The following SLC2A14 variants were observed in gnomAD, a reference collection of about 807,000 sequenced individuals.
The protein encoded by SLC2A14 is solute carrier family 2 member 14.
In SLC2A14, 13 loss-of-function variants were observed where a neutral mutation model predicts 43.0. That is an observed-to-expected ratio of 0.30 (90% CI 0.20 to 0.48). The LOEUF (loss-of-function observed/expected upper bound fraction) is 0.48. Ranked by LOEUF, SLC2A14 falls within the 20% of genes least tolerant of loss-of-function variation. SLC2A14 has a pLI of 0.99. For synonymous variants in SLC2A14, 190 were observed against 233.8 expected (o/e 0.81, Z 1.71); for missense variants, 428 against 620.4 (o/e 0.69, Z 3.29).
chr12:7,880,571 G>A (rs1945549797), intron 1 of SLC2A14, among the ~76,000 whole-genome samples: 2 of 151,424 alleles, frequency 1.3e-5, no homozygotes, highest in South Asian at 2.1e-4. Context: ...GCCCATGCCT[G>A]TAATCTCAGC....
chr12:7,837,580 G>A (rs760163187), intron 2 of SLC2A14, among the ~76,000 whole-genome samples: 1 of 134,810 alleles, frequency 7.4e-6, no homozygotes, highest in East Asian at 2.4e-4. Flanking sequence ...GGAGGTTGCA[G>A]TCAGCCGAGC....
At chr12:7,887,586 T>C (rs1592338400) in intron 1 of SLC2A14, among the ~76,000 whole-genome samples, 1 of 150,116 alleles carries the variant, frequency 6.7e-6, no homozygotes, top group Non-Finnish European at 1.5e-5. Context: ...GATAGATAGA[T>C]AGATAGATAG....
chr12:7,883,070 A>G (rs1187291422), intron 1 of SLC2A14, among the ~76,000 whole-genome samples: 3 of 151,606 alleles, frequency 2.0e-5, no homozygotes, highest in Admixed American at 6.6e-5. Flanking sequence ...TTAGCTGGAC[A>G]TGGTGGTGGG....
Position 7,821,295 on chromosome 12 carries a change from C to T in SLC2A14, c.895G>A (p.Asp299Asn). The change falls in exon 8 of 11, where the codon GAT becomes AAT. Residue 299 changes from aspartate to asparagine, a missense_variant. This residue lies in a region of SLC2A14 where 185 missense variants were observed against 275.4 expected (regional missense o/e 0.67). Transcript: ENST00000431042. ...TAGATGGGCTGTTGAACACCTGCAT[C>T]CTTGAAGATTCCTGTTGAGTAATAG... The part of the protein sequence containing the change: ...VFYYSTGIFK[D>N]AGVQQPIYAT... 1 of 1,613,752 alleles carries T rather than the reference C, an allele frequency of 6.2e-7. No individual in the cohort carries two copies. Among genetic ancestry groups the T allele is most frequent in the Non-Finnish European group, 8.5e-7 (1 of 1,179,820 alleles).
upstream of SLC2A14, among the ~76,000 whole-genome samples, chr12:7,877,568 G>A (rs1945483280): frequency 6.6e-6 from 1 of 151,800 alleles, no homozygotes; most frequent in Non-Finnish European, 1.5e-5. Flanking sequence ...TGGGAATACA[G>A]GCACAGGGCA....
chr12:7,885,879 T>C (rs1945679004), intron 1 of SLC2A14, among the ~76,000 whole-genome samples: 1 of 152,104 alleles, frequency 6.6e-6, no homozygotes, highest in Non-Finnish European at 1.5e-5. Context: ...CATGGTAAGG[T>C]CATTGATGAA....
chr12:7,825,698 G>T (rs1196765213), intron 7 of SLC2A14, among the ~76,000 whole-genome samples: 2 of 147,822 alleles, frequency 1.4e-5, no homozygotes, highest in East Asian at 4.0e-4. Flanking sequence ...GGAGGCAGAG[G>T]TTGCAGTGAG....
chr12:7,826,870 T>TTTC (rs1565507791), intron 7 of SLC2A14, among the ~76,000 whole-genome samples: 1 of 9,462 alleles, frequency 1.1e-4, no homozygotes, highest in East Asian at 1.6e-3. Context: ...TTTTTCTTTC[T>TTTC]TTCTTTCTTT....
chr12:7,839,428 G>C (rs1865735668), intron 2 of SLC2A14, among the ~76,000 whole-genome samples: 1 of 152,160 alleles, frequency 6.6e-6, no homozygotes. Flanking sequence ...GGGGCAGAGT[G>C]GCAGGAGAAA....
At chr12:7,835,814 G>A (rs147707211) in intron 2 of SLC2A14, among the ~76,000 whole-genome samples, 4 of 152,160 alleles carry the variant, frequency 2.6e-5, no homozygotes, top group South Asian at 2.1e-4. Context: ...CATAAAGAAC[G>A]ACTTTTGTTA....
At chr12:7,827,270 CTTTTTTTTT>C (rs71038780) in intron 7 of SLC2A14, among the ~76,000 whole-genome samples, 1 of 99,248 alleles carries the variant, frequency 1.0e-5, no homozygotes, top group African/African-American at 3.9e-5. Flanking sequence ...TAATTTTTGT[CTTTTTTTTT>C]TTTTTTTTTT....
chr12:7,863,439 C>T (rs1237892394), intron 2 of SLC2A14: 1 of 453,248 alleles, frequency 2.2e-6, no homozygotes, highest in East Asian at 7.0e-5. Flanking sequence ...CACATGGCCA[C>T]CATTGTGAAA....
At chr12:7,865,485 C>A (rs1276659217) in intron 2 of SLC2A14, among the ~76,000 whole-genome samples, 1 of 151,306 alleles carries the variant, frequency 6.6e-6, no homozygotes, top group Non-Finnish European at 1.5e-5. Context: ...TACAGTGAGC[C>A]GAGATCGTGC....
intron 1 of SLC2A14, chr12:7,872,597 C>T: frequency 3.9e-6 from 1 of 258,078 alleles, no homozygotes; most frequent in Non-Finnish European, 6.1e-6. Flanking sequence ...GCACCTAGAG[C>T]GGAGCCCAGG....
chr12:7,847,500 A>G (rs1253257998), intron 2 of SLC2A14, among the ~76,000 whole-genome samples: 1 of 152,144 alleles, frequency 6.6e-6, no homozygotes, highest in Admixed American at 6.6e-5. Flanking sequence ...TTTACAACAG[A>G]AAGGATTTGC....
intron 1 of SLC2A14, chr12:7,871,865 A>G: frequency 1.0e-6 from 1 of 982,380 alleles, no homozygotes; most frequent in Non-Finnish European, 1.2e-6. Flanking sequence ...ACACCAGCGC[A>G]CACCCACCCA....
chr12:7,875,134 T>TA (rs1311834609), upstream of SLC2A14, among the ~76,000 whole-genome samples: 72 of 134,570 alleles, frequency 5.4e-4, no homozygotes, highest in South Asian at 9.4e-3. Flanking sequence ...GTTAAATATA[T>TA]TTAAATATTA....
chr12:7,860,602 T>C (rs928809074), intron 2 of SLC2A14: 2 of 152,288 alleles, frequency 1.3e-5, no homozygotes, highest in African/African-American at 4.8e-5. Context: ...CCAGTTGGAA[T>C]GCCAAGACTC....
In SLC2A14 at chr12:7,878,991, A is replaced by AC. The variant is rs1265896754; in HGVS notation, c.132+12004_132+12005insG. ...GAGTCCGTCTCAAAAAAAAAAAAAA[A>AC]AAAAAAAAAAAAAACAATTTGTCTT... On this transcript the variant is annotated intron_variant, in intron 1 of 9. Transcript: ENST00000539924. Among the ~76,000 whole-genome samples the AC allele has an allele frequency of 6.1e-3, 559 of 91,668 alleles. 8 individuals carry two copies. Among genetic ancestry groups the AC allele is most frequent in the African/African-American group, 0.021 (521 of 24,382 alleles). The allele number at this position is 91,668 out of a possible 152,430, so 60.1% of individuals were successfully genotyped here. A position where few individuals can be genotyped will look rare whatever the true frequency, so the allele number is the denominator to read the frequency against.
Sources: allele counts gnomAD v4.1 joint callset (sites outside exome capture counted in the v4.1 genomes callset), GRCh38; gene constraint gnomAD v4.1.1; regional missense constraint gnomAD v4.1.1; transcripts MANE v1.5; gene names NCBI Gene and HGNC (gene_info 2026-07-23, HGNC 2026-07-21).